Variants in RNF144A observed in about 807,000 individuals in gnomAD.
The protein encoded by RNF144A is E3 ubiquitin-protein ligase RNF144A.
Under a neutral mutation model 38.7 loss-of-function variants are expected in RNF144A, and 11 were observed. The observed-to-expected ratio is 0.28, with a 90% confidence interval of 0.18 to 0.47. The LOEUF is 0.47. Among genes scored for constraint, RNF144A ranks in the 20% least tolerant of loss-of-function variants. RNF144A has a pLI of 0.99. For missense variants in RNF144A, 316 were observed against 377.2 expected (o/e 0.84, Z 1.34); for synonymous variants, 149 against 143.9 (o/e 1.04, Z -0.25).
intron 2 of RNF144A, among the ~76,000 whole-genome samples, chr2:6,976,024 A>G (rs1481358187): frequency 2.6e-5 from 4 of 152,082 alleles, no homozygotes; most frequent in South Asian, 2.1e-4. Context: ...CAGACCTTCC[A>G]TGGTTTAGTC....
Position 7,042,428 on chromosome 2 carries a change from A to G in RNF144A, c.*2668A>G. 2 of 985,476 alleles carry G rather than the reference A, an allele frequency of 2.0e-6. No homozygotes were observed. Among genetic ancestry groups the G allele is most frequent in the South Asian group, 4.7e-5 (1 of 21,286 alleles). The allele number at this position is 985,476 out of a possible 1,614,324, so 61.0% of individuals were successfully genotyped here. On this transcript the variant is annotated 3_prime_UTR_variant, in exon 9 of 9. Transcript: ENST00000320892. The stretch of plus-strand genomic sequence containing the variant: ...ACAGATGGTGTTCACTGCAAGCCCC[A>G]GAAGCATATGGCATGTGTTCACTAA...
At chr2:7,005,917 CTT>C (rs35114772) in intron 3 of RNF144A, among the ~76,000 whole-genome samples, 49 of 140,190 alleles carry the variant, frequency 3.5e-4, no homozygotes, top group Non-Finnish European at 3.4e-4. Context: ...ATCTGCCACT[CTT>C]TTTTTTTTTT....
At chr2:6,985,596 A>T (rs748650689) in intron 2 of RNF144A, among the ~76,000 whole-genome samples, 9 of 152,194 alleles carry the variant, frequency 5.9e-5, no homozygotes, top group Admixed American at 3.9e-4. Flanking sequence ...TAATAGACGG[A>T]ATACAACTCG....
intron 1 of RNF144A, among the ~76,000 whole-genome samples, chr2:6,932,891 A>G (rs1665290910): frequency 6.6e-6 from 1 of 152,218 alleles, no homozygotes; most frequent in South Asian, 2.1e-4. Flanking sequence ...AGAGAAGACA[A>G]GTGCAAAATA....
At chr2:6,986,886 C>T (rs1668996635) in intron 2 of RNF144A, among the ~76,000 whole-genome samples, 1 of 151,980 alleles carries the variant, frequency 6.6e-6, no homozygotes, top group Admixed American at 6.6e-5. Flanking sequence ...AGGGATGATC[C>T]AAACATCCCC....
chr2:6,964,862 A>C (rs1468080429), intron 2 of RNF144A, among the ~76,000 whole-genome samples: 1 of 152,118 alleles, frequency 6.6e-6, no homozygotes, highest in Non-Finnish European at 1.5e-5. Flanking sequence ...AGATATACCT[A>C]ATGCTAAATG....
rs1166804399 is a variant in RNF144A at position 6,973,478 on chromosome 2, C to G, written c.-11-23438C>G. ...TGCTGATGGAAGGTGGCCCGGGTAG[C>G]AGGTCCTCCTGGTCACTTCACAGTA... On this transcript the variant is annotated intron_variant, in intron 2 of 8. Coordinates refer to ENST00000320892, the MANE Select transcript of RNF144A (RefSeq NM_014746.6). Among the ~76,000 whole-genome samples the G allele has an allele frequency of 3.3e-5, 5 of 152,326 alleles. No homozygotes were observed. In the East Asian group the frequency reaches 9.6e-4, roughly 29 times the overall value.
rs1489509418 is a variant in RNF144A at position 6,944,071 on chromosome 2, T to A, written c.-12+2924T>A. Among the ~76,000 whole-genome samples the A allele has an allele frequency of 6.6e-6, 1 of 152,032 alleles. No homozygotes were observed. Among genetic ancestry groups the A allele is most frequent in the Non-Finnish European group, 1.5e-5 (1 of 67,998 alleles). The stretch of plus-strand genomic sequence containing the variant: ...AGTGAAAGAATGGCTGGAATTGGTA[T>A]TGTGTGCCAGGGAGAGAGGATCCTA... On this transcript the variant is annotated intron_variant, in intron 2 of 8. Transcript: ENST00000320892. This position sits in a 1 kb window ranked among gnomAD's most constrained non-coding sequence, Gnocchi z 4.7.
At chr2:7,034,757 A>G (rs773760610) in intron 8 of RNF144A, among the ~76,000 whole-genome samples, 10 of 152,228 alleles carry the variant, frequency 6.6e-5, no homozygotes, top group South Asian at 2.1e-4. Context: ...ATCAGACCAT[A>G]AAAGTCCTAA....
At chr2:6,979,044 A>G (rs1668474313) in intron 2 of RNF144A, among the ~76,000 whole-genome samples, 1 of 152,210 alleles carries the variant, frequency 6.6e-6, no homozygotes, top group African/African-American at 2.4e-5. Flanking sequence ...GTCAGAAAGT[A>G]GAGAGACAGG....
At chr2:6,945,106 G>A (rs1429513840) in intron 2 of RNF144A, among the ~76,000 whole-genome samples, 1 of 152,256 alleles carries the variant, frequency 6.6e-6, no homozygotes, top group Admixed American at 6.5e-5. Context: ...CTTTGGACCG[G>A]CCACGTTTGG....
At chr2:7,069,824 CTT>C (rs1674392655), downstream of RNF144A, among the ~76,000 whole-genome samples, 1 of 152,206 alleles carries the variant, frequency 6.6e-6, no homozygotes, top group Non-Finnish European at 1.5e-5. Context: ...CTAGAAGTAT[CTT>C]AACACCCTAG....
In RNF144A at chr2:6,943,424, T is replaced by A. The variant is rs1325131850; in HGVS notation, c.-12+2277T>A. Reference sequence around the variant, plus strand: ...GCAGGGGAGGAAGTGGAGACAGGGATTGTAGACAACTCAGTTGAGCTTTGC... The same window carrying A: ...GCAGGGGAGGAAGTGGAGACAGGGAATGTAGACAACTCAGTTGAGCTTTGC... On this transcript the variant is annotated intron_variant, in intron 2 of 8. Coordinates refer to ENST00000320892, the MANE Select transcript of RNF144A (RefSeq NM_014746.6). This position sits in a 1 kb window ranked among gnomAD's most constrained non-coding sequence, Gnocchi z 4.3. Among the ~76,000 whole-genome samples the A allele has an allele frequency of 1.3e-5, 2 of 152,082 alleles. No homozygotes were observed.
At chr2:7,053,992 G>C (rs893426197) in intron 6 of RNF144A, among the ~76,000 whole-genome samples, 2 of 152,246 alleles carry the variant, frequency 1.3e-5, no homozygotes, top group Non-Finnish European at 2.9e-5. Context: ...ACAGACAGGA[G>C]CCAGTGCACA....
chr2:6,961,710 T>G (rs1480293245), intron 2 of RNF144A, among the ~76,000 whole-genome samples: 1 of 152,238 alleles, frequency 6.6e-6, no homozygotes, highest in Non-Finnish European at 1.5e-5. Context: ...TTTGTCCTTC[T>G]GCCTAGAATT....
chr2:7,026,393 T>C (rs982228332), intron 7 of RNF144A, among the ~76,000 whole-genome samples: 5 of 152,206 alleles, frequency 3.3e-5, no homozygotes, highest in Admixed American at 1.3e-4. Flanking sequence ...GAATTTTCTT[T>C]AGCTCAAGTC....
chr2:7,023,613 G>T (rs1671678270), intron 6 of RNF144A, among the ~76,000 whole-genome samples: 1 of 152,204 alleles, frequency 6.6e-6, no homozygotes, highest in African/African-American at 2.4e-5. Flanking sequence ...ACAGCATGGG[G>T]TGAGTCATAC....
intron 6 of RNF144A, chr2:7,063,063 G>T (rs1674041404): frequency 6.6e-6 from 1 of 152,212 alleles, no homozygotes; most frequent in Non-Finnish European, 1.5e-5. Context: ...TGCAGCTGGG[G>T]AGGAGGACAC....
At position 6,996,551 on chromosome 2, in the gene RNF144A, G is replaced by A. The variant is rs529712613; in HGVS notation, c.-11-365G>A. Among the ~76,000 whole-genome samples the A allele has an allele frequency of 6.4e-4, 97 of 152,194 alleles. 1 individual carries two copies. Among genetic ancestry groups the A allele is most frequent in the African/African-American group, 2.1e-3 (88 of 41,518 alleles). On this transcript the variant is annotated intron_variant, in intron 2 of 8. Coordinates refer to ENST00000320892, the MANE Select transcript of RNF144A (RefSeq NM_014746.6). ...GGGGGGATCATGAGGTCAGGAGATCGAGACCATCCTGGCTAACATGGTGAA... is the reference window on the plus strand; with the variant it reads ...GGGGGGATCATGAGGTCAGGAGATCAAGACCATCCTGGCTAACATGGTGAA...
Sources: gnomAD v4.1 joint callset for allele counts (sites outside exome capture counted in the v4.1 genomes callset) on GRCh38, gnomAD v4.1.1 for gene constraint, Gnocchi (gnomAD v3.1) non-coding constraint, MANE v1.5 for transcripts, NCBI Gene and HGNC (gene_info 2026-07-23, HGNC 2026-07-21) for gene names.